Variants in MIPOL1 observed in about 807,000 individuals in gnomAD.
MIPOL1 encodes mirror-image polydactyly 1.
Under a neutral mutation model 60.9 loss-of-function variants are expected in MIPOL1, and 57 were observed. The ratio of observed to expected loss-of-function variants is 0.94; its 90% CI spans 0.76 to 1.17. The LOEUF is 1.17. Ranked by LOEUF, MIPOL1 falls within the 50% of genes most tolerant of loss-of-function variation. The probability of loss-of-function intolerance (pLI) is 0.00; values close to 1 mark genes in which losing one functional copy is unlikely to be tolerated. For missense variants in MIPOL1, 551 were observed against 511.6 expected (o/e 1.08, Z -0.74); for synonymous variants, 179 against 168.8 (o/e 1.06, Z -0.47).
chr14:37,286,740 G>A (rs2084600193), intron 7 of MIPOL1, among the ~76,000 whole-genome samples: 1 of 151,154 alleles, frequency 6.6e-6, no homozygotes, highest in South Asian at 2.1e-4. Flanking sequence ...AGATTGATAG[G>A]CTCATTATAC....
At chr14:37,537,731 T>C (rs1221139365) in intron 12 of MIPOL1, among the ~76,000 whole-genome samples, 4 of 152,234 alleles carry the variant, frequency 2.6e-5, no homozygotes, top group Non-Finnish European at 5.9e-5. Flanking sequence ...AAGTGACTTA[T>C]GGACTCTTCA....
chr14:37,430,770 T>TA (rs2094049813), intron 11 of MIPOL1, among the ~76,000 whole-genome samples: 1 of 152,204 alleles, frequency 6.6e-6, no homozygotes, highest in Admixed American at 6.5e-5. Context: ...TAAAATCACT[T>TA]ACAAATGTTT....
At chr14:37,445,270 T>C (rs1453408367) in intron 11 of MIPOL1, among the ~76,000 whole-genome samples, 2 of 152,092 alleles carry the variant, frequency 1.3e-5, no homozygotes, top group Non-Finnish European at 2.9e-5. Flanking sequence ...CAAGCATTCT[T>C]ATACACCAAT....
chr14:37,485,198 T>TA (rs2094929106), intron 11 of MIPOL1, among the ~76,000 whole-genome samples: 1 of 152,182 alleles, frequency 6.6e-6, no homozygotes, highest in Non-Finnish European at 1.5e-5. Flanking sequence ...TTCCATGGTG[T>TA]ATATGTGCCA....
intron 9 of MIPOL1, among the ~76,000 whole-genome samples, chr14:37,333,242 A>G (rs1238652091): frequency 6.6e-6 from 1 of 152,174 alleles, no homozygotes; most frequent in East Asian, 1.9e-4. Flanking sequence ...GTAGTAAATT[A>G]TATTAATAAA....
intron 11 of MIPOL1, among the ~76,000 whole-genome samples, chr14:37,478,302 C>T (rs1183946066): frequency 1.3e-5 from 2 of 152,066 alleles, no homozygotes; most frequent in African/African-American, 4.8e-5. Flanking sequence ...AGATCTAGCA[C>T]AATGAACTGA....
chr14:37,539,505 GA>G (rs141001603), intron 12 of MIPOL1, among the ~76,000 whole-genome samples: 9,832 of 152,078 alleles, frequency 0.065, 1,070 homozygotes, highest in African/African-American at 0.22. Context: ...CCTTTGTAAT[GA>G]ACCATACTGG....
chr14:37,356,225 C>G (rs1456177029), intron 9 of MIPOL1, among the ~76,000 whole-genome samples: 1 of 151,852 alleles, frequency 6.6e-6, no homozygotes, highest in Non-Finnish European at 1.5e-5. Flanking sequence ...TCTCGGGGGT[C>G]AGGGGTCAGG....
rs186986638 is a variant in MIPOL1 at position 37,402,855 on chromosome 14, C to T, written c.937-20000C>T. ...TGAAACAGGTTTCACTTCTCCCTTC[C>T]CTGTTTAGGTCACCTAGGATCTAAT... On this transcript the variant is annotated intron_variant, in intron 10 of 12. Coordinates refer to ENST00000684589, the MANE Select transcript of MIPOL1 (RefSeq NM_001388067.1). Among the ~76,000 whole-genome samples the T allele has an allele frequency of 1.9e-4, 29 of 152,264 alleles. No homozygotes were observed. The East Asian group carries it at 5.0e-3, about 26-fold the overall frequency.
At chr14:37,504,099 C>T (rs144365182) in intron 12 of MIPOL1, 1 of 152,146 alleles carries the variant, frequency 6.6e-6, no homozygotes. Flanking sequence ...CACCCAGATT[C>T]ATAAAACAAG....
At chr14:37,401,439 T>C (rs941888908) in intron 10 of MIPOL1, 4 of 152,104 alleles carry the variant, frequency 2.6e-5, no homozygotes, top group African/African-American at 9.6e-5. Context: ...GAAAATGTTA[T>C]ACCTTTATAA....
chr14:37,232,186 C>T (rs1222054943), intron 1 of MIPOL1, among the ~76,000 whole-genome samples: 7 of 151,984 alleles, frequency 4.6e-5, no homozygotes, highest in Non-Finnish European at 8.8e-5. Flanking sequence ...TTATAGTATA[C>T]AATGTTATAA....
intron 12 of MIPOL1, among the ~76,000 whole-genome samples, chr14:37,543,045 TATCTTGATTA>T: frequency 6.6e-6 from 1 of 152,108 alleles, no homozygotes; most frequent in Non-Finnish European, 1.5e-5. Context: ...TCCTCTCCAT[TATCTTGATTA>T]GGGCATCACT....
At chr14:37,426,297 C>A (rs1302294904) in intron 11 of MIPOL1, among the ~76,000 whole-genome samples, 1 of 151,720 alleles carries the variant, frequency 6.6e-6, no homozygotes, top group African/African-American at 2.4e-5. Context: ...CAACCCCCTA[C>A]ATAAAGTAGG....
At chr14:37,446,938 TG>T (rs2094345719) in intron 11 of MIPOL1, among the ~76,000 whole-genome samples, 1 of 134,376 alleles carries the variant, frequency 7.4e-6, no homozygotes, top group Non-Finnish European at 1.6e-5. Context: ...GTGGGGGGAG[TG>T]GGGAGGGATA....
chr14:37,338,244 C>T (rs1206016134), intron 9 of MIPOL1, among the ~76,000 whole-genome samples: 1 of 151,546 alleles, frequency 6.6e-6, no homozygotes. Flanking sequence ...GTAGCTGGGA[C>T]TACAGGCACC....
chr14:37,285,215 TA>T, intron 6 of MIPOL1, 102 bp from the exon 7 acceptor site: 1 of 1,157,714 alleles, frequency 8.6e-7, no homozygotes, highest in Non-Finnish European at 1.2e-6. Context: ...GTTTATTGAG[TA>T]GTCCTTACAG....
intron 10 of MIPOL1, among the ~76,000 whole-genome samples, chr14:37,389,796 A>G (rs1007098724): frequency 6.6e-6 from 1 of 151,572 alleles, no homozygotes; most frequent in African/African-American, 2.4e-5. Context: ...GAGGGGAGGG[A>G]GCATTAAGTA....
intron 3 of MIPOL1, among the ~76,000 whole-genome samples, chr14:37,249,697 A>G (rs1213323999): frequency 1.3e-5 from 2 of 152,146 alleles, no homozygotes; most frequent in Non-Finnish European, 2.9e-5. Context: ...CAAGTTGTGG[A>G]TAAGAATGTA....
Sources: gnomAD v4.1 joint callset for allele counts (sites outside exome capture counted in the v4.1 genomes callset) on GRCh38, gnomAD v4.1.1 for gene constraint, MANE v1.5 for transcripts, NCBI Gene and HGNC (gene_info 2026-07-23, HGNC 2026-07-21) for gene names.